PCDHA4: variants seen among roughly 807,000 people sequenced by gnomAD.
PCDHA4 encodes protocadherin alpha-4.
Under a neutral mutation model 61.4 loss-of-function variants are expected in PCDHA4, and 49 were observed. That is an observed-to-expected ratio of 0.80 (90% CI 0.63 to 1.01). The LOEUF (loss-of-function observed/expected upper bound fraction) is 1.01. Among genes scored for constraint, PCDHA4 ranks in the 50% least tolerant of loss-of-function variants. PCDHA4 has a pLI of 0.00. For synonymous variants in PCDHA4, 590 were observed against 550.3 expected, an observed-to-expected ratio of 1.07 and a Z score of -1.01; for missense variants, 1,254 against 1,235.8, an observed-to-expected ratio of 1.01 and a Z score of -0.22.
chr5:140,824,104 CAG>C, intron 1 of PCDHA4: 1 of 1,614,126 alleles, frequency 6.2e-7, no homozygotes, highest in Non-Finnish European at 8.5e-7. Flanking sequence ...AAGCCTTCCT[CAG>C]GGTCCCACCT....
intron 1 of PCDHA4, chr5:140,830,284 G>C (rs2150184332): frequency 6.2e-7 from 1 of 1,613,852 alleles, no homozygotes; most frequent in Admixed American, 1.7e-5. Context: ...CCGAGGGCGC[G>C]TGCACGGCGG....
At chr5:140,863,914 T>C (rs2048229981) in intron 1 of PCDHA4, 1 of 162,444 alleles carries the variant, frequency 6.2e-6, no homozygotes, top group Non-Finnish European at 1.4e-5. Context: ...GGCACAAGAA[T>C]TGCTTGAACC....
chr5:140,810,815 T>C (rs1554125577), intron 1 of PCDHA4: 1 of 152,174 alleles, frequency 6.6e-6, no homozygotes, highest in East Asian at 1.9e-4. Context: ...TTCTTTTTTG[T>C]CTTTTGGTGA....
At chr5:140,921,385 A>C (rs571029849) in intron 1 of PCDHA4, among the ~76,000 whole-genome samples, 1 of 152,294 alleles carries the variant, frequency 6.6e-6, no homozygotes, top group East Asian at 1.9e-4. Flanking sequence ...CATATTTGAT[A>C]AACATTCACA....
chr5:140,898,004 T>C (rs2066460029), intron 1 of PCDHA4, among the ~76,000 whole-genome samples: 1 of 152,210 alleles, frequency 6.6e-6, no homozygotes, highest in East Asian at 1.9e-4. Context: ...GAAGTGTCTG[T>C]TCATATCCTT....
chr5:140,885,083 C>T (rs1359793188), intron 1 of PCDHA4, among the ~76,000 whole-genome samples: 3 of 151,992 alleles, frequency 2.0e-5, no homozygotes, highest in Admixed American at 6.5e-5. Context: ...TAAAGAGCCC[C>T]ATAACTTTTC....
chr5:140,982,596 G>A, intron 3 of PCDHA4, 33 bp downstream of exon 3: 2 of 1,609,850 alleles, frequency 1.2e-6, no homozygotes, highest in South Asian at 2.2e-5. Flanking sequence ...TTCTTTCTTG[G>A]TTTCTGGAAA....
chr5:140,893,210 G>C (rs2063874103), intron 1 of PCDHA4, among the ~76,000 whole-genome samples: 1 of 152,204 alleles, frequency 6.6e-6, no homozygotes, highest in Non-Finnish European at 1.5e-5. Flanking sequence ...GTAAGTATGG[G>C]AGGTGCAGGT....
intron 1 of PCDHA4, among the ~76,000 whole-genome samples, chr5:140,922,818 C>G (rs530870255): frequency 6.6e-6 from 1 of 152,326 alleles, no homozygotes; most frequent in South Asian, 2.1e-4. Context: ...GGAGATACAG[C>G]ATACTGCTAA....
chr5:140,976,414 G>A (rs1242756697), intron 1 of PCDHA4, among the ~76,000 whole-genome samples: 2 of 151,998 alleles, frequency 1.3e-5, no homozygotes, highest in African/African-American at 2.4e-5. Context: ...AGCCAGGTAC[G>A]GTGGCAGATG....
At chr5:140,958,339 G>A (rs1177083248) in intron 1 of PCDHA4, among the ~76,000 whole-genome samples, 2 of 152,024 alleles carry the variant, frequency 1.3e-5, no homozygotes, top group African/African-American at 4.8e-5. Context: ...TAAATCACAG[G>A]AAGTTCACAG....
intron 1 of PCDHA4, chr5:140,926,327 A>AGAGCGCCGGGACCC (rs1363803647): frequency 6.6e-6 from 1 of 152,258 alleles, no homozygotes; most frequent in African/African-American, 2.4e-5. Context: ...CGCCGGGGTC[A>AGAGCGCCGGGACCC]GAGCGCCGGG....
chr5:140,881,179 C>A (rs550594918), intron 1 of PCDHA4, among the ~76,000 whole-genome samples: 4 of 152,240 alleles, frequency 2.6e-5, no homozygotes, highest in African/African-American at 7.2e-5. Flanking sequence ...CTTTTCCTTG[C>A]TAAAGATATG....
intron 1 of PCDHA4, among the ~76,000 whole-genome samples, chr5:140,906,513 G>A (rs1398874448): frequency 1.3e-5 from 2 of 152,176 alleles, no homozygotes; most frequent in Non-Finnish European, 2.9e-5. Context: ...AAAGAAGGAG[G>A]AAATACTCAC....
chr5:140,980,877 C>T (rs1321284538), intron 2 of PCDHA4, among the ~76,000 whole-genome samples: 9 of 152,186 alleles, frequency 5.9e-5, no homozygotes, highest in African/African-American at 1.7e-4. Flanking sequence ...TGGGTGTTCT[C>T]GGTCTTTCCA....
intron 3 of PCDHA4, among the ~76,000 whole-genome samples, chr5:140,984,867 TA>T (rs1251384308): frequency 6.6e-6 from 1 of 152,180 alleles, no homozygotes; most frequent in Non-Finnish European, 1.5e-5. Context: ...ACACCTATTT[TA>T]TTGAGTTACC....
At chr5:140,949,371 C>G (rs932971788) in intron 1 of PCDHA4, among the ~76,000 whole-genome samples, 1 of 151,712 alleles carries the variant, frequency 6.6e-6, no homozygotes, top group African/African-American at 2.4e-5. Flanking sequence ...GTCTAGTTGT[C>G]CTATCAATTG....
chr5:140,958,135 G>A (rs868969031), intron 1 of PCDHA4, among the ~76,000 whole-genome samples: 1 of 152,036 alleles, frequency 6.6e-6, no homozygotes, highest in Non-Finnish European at 1.5e-5. Flanking sequence ...GTATCAGTGT[G>A]TATATTTATA....
chr5:140,813,549 T>C (rs1473558767), intron 1 of PCDHA4: 2 of 152,192 alleles, frequency 1.3e-5, no homozygotes, highest in Non-Finnish European at 2.9e-5. Flanking sequence ...AATAGGGTAC[T>C]TACCCTATGA....
Sources: allele counts gnomAD v4.1 joint callset (sites outside exome capture counted in the v4.1 genomes callset), GRCh38; gene constraint gnomAD v4.1.1; transcripts MANE v1.5; gene names NCBI Gene and HGNC (gene_info 2026-07-23, HGNC 2026-07-21).